CRELD2: variants seen among roughly 807,000 people sequenced by gnomAD.
The protein encoded by CRELD2 is CRELD disulfide isomerase 2, also known as protein disulfide isomerase CRELD2.
A neutral mutation model predicts 48.1 loss-of-function variants in CRELD2; 33 were observed. The ratio of observed to expected loss-of-function variants is 0.69; its 90% CI spans 0.52 to 0.92. The LOEUF is 0.92. Ranked by LOEUF, CRELD2 falls within the 40% of genes least tolerant of loss-of-function variation. CRELD2 has a pLI of 0.00. For synonymous variants in CRELD2, 220 were observed against 203.9 expected (o/e 1.08, Z -0.67); for missense variants, 477 against 482.4 (o/e 0.99, Z 0.10).
At chr22:49,923,090 G>A in intron 6 of CRELD2, 144 bp from the exon 7 acceptor site, 1 of 639,378 alleles carries the variant, frequency 1.6e-6, no homozygotes, top group Non-Finnish European at 2.7e-6. Context: ...TGGCATTTGA[G>A]ATGATTCCTC....
chr22:49,920,091 G>A, intron 3 of CRELD2, 65 bp from the exon 4 acceptor site: 2 of 1,076,636 alleles, frequency 1.9e-6, no homozygotes, highest in South Asian at 1.3e-5. Context: ...GTTACGTTCA[G>A]CTGCATGTTT....
chr22:49,926,935 C>T (rs1178698837), intron 9 of CRELD2, among the ~76,000 whole-genome samples: 1 of 106,672 alleles, frequency 9.4e-6, no homozygotes, highest in Admixed American at 1.0e-4. Context: ...CCTCCCCCAC[C>T]CTCGGTCCCC....
rs763151940 is a variant in CRELD2 at position 49,923,294 on chromosome 22, C to G, written c.749C>G (p.Ala250Gly). 1 of 1,611,696 alleles carries G rather than the reference C, an allele frequency of 6.2e-7. No homozygotes were observed. The highest frequency in any genetic ancestry group is 1.1e-5 in the South Asian group (1 of 90,938). ...AGCGCTGCGCAGTTCTGTAAGAACGCCAACGGCTCCTACACGTGCGAAGGT... is the reference window on the plus strand; with the variant it reads ...AGCGCTGCGCAGTTCTGTAAGAACGGCAACGGCTCCTACACGTGCGAAGGT... ...PCSAAQFCKN[A>G]NGSYTCEECD... Residue 250 changes from alanine to glycine, a missense_variant, in exon 7 of 10, where the codon GCC becomes GGC. Ala to Gly is a moderately conservative substitution (Grantham distance 60). Coordinates refer to ENST00000328268, the MANE Select transcript of CRELD2 (RefSeq NM_024324.5).
Position 49,924,452 on chromosome 22 carries a change from G to A in CRELD2, c.865G>A (p.Ala289Thr), listed in dbSNP as rs771741179. The A allele has an allele frequency of 6.2e-7, 1 of 1,602,148 alleles. No homozygotes were observed. The highest frequency in any genetic ancestry group is 1.1e-5 in the South Asian group (1 of 89,152). ...CTACGCGAGGGAGCACGGACAGTGT[G>A]CAGGTCAGTGACGGGGTCTGTGCTG... ...SGYAREHGQC[A>T]DVDECSLAEK... The change falls in exon 8 of 10, where the codon GCA becomes ACA. Residue 289 changes from alanine (A) to threonine (T), a missense_variant. Coordinates refer to ENST00000328268, the MANE Select transcript of CRELD2 (RefSeq NM_024324.5).
Position 49,922,692 on chromosome 22 carries a change from G to A in CRELD2, c.673G>A (p.Glu225Lys), listed in dbSNP as rs771487243. The A allele has an allele frequency of 8.4e-6, 13 of 1,542,806 alleles. No individual in the cohort carries two copies. Among genetic ancestry groups the A allele is most frequent in the Middle Eastern group, 1.7e-4 (1 of 5,988 alleles). The change falls in exon 6 of 10, where the codon GAG (glutamate) becomes AAG (lysine). Residue 225 changes from glutamate to lysine, a missense_variant. By Grantham distance (56) the Glu-to-Lys change is moderately conservative. Coordinates refer to ENST00000328268, the MANE Select transcript of CRELD2 (RefSeq NM_024324.5). Reference sequence around the variant, plus strand: ...GTGTGAAGTGGGCTGGGTGCTGGACGAGGGCGCCTGTGTGGGTGAGGAGCG... The same window carrying A: ...GTGTGAAGTGGGCTGGGTGCTGGACAAGGGCGCCTGTGTGGGTGAGGAGCG... The part of the protein sequence containing the change: ...GECEVGWVLD[E>K]GACVDVDECA...
intron 6 of CRELD2, among the ~76,000 whole-genome samples, chr22:49,922,915 G>A (rs2060715151): frequency 6.1e-5 from 5 of 81,468 alleles, no homozygotes; most frequent in South Asian, 5.4e-4. Context: ...CGTGAGGTGT[G>A]GGGGCGTGAG....
At chr22:49,922,285 G>C (rs12163497) in intron 5 of CRELD2, 31 of 1,261,650 alleles carry the variant, frequency 2.5e-5, no homozygotes, top group African/African-American at 6.4e-5. Context: ...CGATTCTTAC[G>C]CCCCTCAGCA....
At position 49,922,120 on chromosome 22, in the gene CRELD2, T is replaced by C. The variant is rs2060694326; in HGVS notation, c.592+359T>C. ...TCTGTCAAATCCCTGCAGGCCGTTA[T>C]GAGTGGCATCTTTCCAAAGGACGTT... On this transcript the variant is annotated intron_variant, in intron 5 of 9. Coordinates refer to ENST00000328268, the MANE Select transcript of CRELD2 (RefSeq NM_024324.5). The C allele has an allele frequency of 1.4e-5, 10 of 728,248 alleles. No individual in the cohort carries two copies. In the South Asian group the frequency reaches 1.8e-4, roughly 13 times the overall value. 45.1% of individuals were successfully genotyped at this position (728,248 alleles called of 1,614,324 possible).
At chr22:49,919,696 G>A (rs183268793) in intron 2 of CRELD2, 34 bp from the exon 3 acceptor site, 12 of 1,519,430 alleles carry the variant, frequency 7.9e-6, no homozygotes, top group African/African-American at 2.8e-5. Flanking sequence ...CCTTGGAGGC[G>A]CTGACGGTGG....
At chr22:49,920,843 G>T (rs2060678352) in intron 4 of CRELD2, among the ~76,000 whole-genome samples, 1 of 152,186 alleles carries the variant, frequency 6.6e-6, no homozygotes, top group Non-Finnish European at 1.5e-5. Context: ...TCAGCCTTCT[G>T]CCAGCCCCTG....
chr22:49,924,198 G>C, intron 7 of CRELD2, 162 bp from the exon 8 acceptor site: 1 of 570,594 alleles, frequency 1.8e-6, no homozygotes, highest in Non-Finnish European at 3.2e-6. Flanking sequence ...ACGCGAGTCT[G>C]TGCTTTTGCC....
intron 4 of CRELD2, chr22:49,921,379 G>A (rs946968738): frequency 1.7e-6 from 1 of 584,732 alleles, no homozygotes; most frequent in African/African-American, 1.9e-5. Flanking sequence ...AAGCCCAGGA[G>A]CCTGTGGCTT....
Position 49,927,383 on chromosome 22 carries a change from C to G in CRELD2, c.*76C>G. 2.4e-6 allele frequency: 3 copies of G among 1,232,192 alleles called. No homozygotes were observed. The highest frequency in any genetic ancestry group is 4.6e-5 in the East Asian group (2 of 43,040). The allele number at this position is 1,232,192 out of a possible 1,614,324, so 76.3% of individuals were successfully genotyped here. ...GTGGCCCTGAGGATGCCGTCTCCTGCAGTGGACAGCGGCGGGGAGAGGCTG... is the reference window on the plus strand; with the variant it reads ...GTGGCCCTGAGGATGCCGTCTCCTGGAGTGGACAGCGGCGGGGAGAGGCTG... On this transcript the variant is annotated 3_prime_UTR_variant, in exon 10 of 10. Transcript: ENST00000328268.
chr22:49,927,053 G>A (rs920816278), intron 9 of CRELD2, among the ~76,000 whole-genome samples: 1 of 150,010 alleles, frequency 6.7e-6, no homozygotes, highest in Non-Finnish European at 1.5e-5. Flanking sequence ...GCAGCGTGGG[G>A]GCTCTGAAAT....
chr22:49,918,747 G>T lies in CRELD2; in HGVS notation c.-23G>T, dbSNP rs943707029. On this transcript the variant is annotated 5_prime_UTR_variant, in exon 1 of 10. Coordinates refer to ENST00000328268, the MANE Select transcript of CRELD2 (RefSeq NM_024324.5). ...CCGCAGGACCTGGAGCTCCGGCTGC[G>T]TCTTCCCGCAGCGCTACCCGCCATG... 4 of 993,520 alleles carry T rather than the reference G, an allele frequency of 4.0e-6. No individual in the cohort carries two copies. The highest frequency in any genetic ancestry group is 3.4e-5 in the African/African-American group (2 of 58,986). The allele number at this position is 993,520 out of a possible 1,614,324, so 61.5% of individuals were successfully genotyped here. A position where few individuals can be genotyped will look rare whatever the true frequency, so the allele number is the denominator to read the frequency against.
At position 49,922,710 on chromosome 22, in the gene CRELD2, G is replaced by T; in HGVS notation, c.688+3G>T. On this transcript the variant is annotated splice_donor_region_variant and intron_variant, in intron 6 of 9. Transcript: ENST00000328268. ...GCTGGACGAGGGCGCCTGTGTGGGT[G>T]AGGAGCGGCCCGGGGGTGGAGGAGG... 2 of 1,537,642 alleles carry T rather than the reference G, an allele frequency of 1.3e-6. No homozygotes were observed. Among genetic ancestry groups the T allele is most frequent in the East Asian group, 2.4e-5 (1 of 40,984 alleles).
intron 4 of CRELD2, chr22:49,921,327 C>T (rs949951365): frequency 1.7e-5 from 9 of 518,302 alleles, no homozygotes; most frequent in African/African-American, 1.3e-4. Context: ...TGCAGGGTCC[C>T]TTGTTGACCT....
Position 49,921,684 on chromosome 22 carries a change from A to G in CRELD2, c.515A>G (p.Tyr172Cys). 1 of 1,612,906 alleles carries G rather than the reference A, an allele frequency of 6.2e-7. No homozygotes were observed. The highest frequency in any genetic ancestry group is 8.5e-7 in the Non-Finnish European group (1 of 1,179,976). Residue 172 changes from tyrosine (Y) to cysteine (C), a missense_variant, in exon 5 of 10, where the codon TAC becomes TGC. By Grantham distance (194) the Tyr-to-Cys change is radical. Coordinates refer to ENST00000328268, the MANE Select transcript of CRELD2 (RefSeq NM_024324.5). The stretch of plus-strand genomic sequence containing the variant: ...GGGTCCTGCCGGTGCCACATGGGGT[A>G]CCAGGGCCCGCTGTGCACTGACTGC... ...GDGSCRCHMG[Y>C]QGPLCTDCMD...
intron 9 of CRELD2, among the ~76,000 whole-genome samples, chr22:49,927,013 G>A (rs1031735622): frequency 6.9e-5 from 10 of 144,948 alleles, no homozygotes; most frequent in Admixed American, 1.4e-4. Flanking sequence ...ACCCCTTGCC[G>A]CTCCCAACTC....
Sources: allele counts gnomAD v4.1 joint callset (sites outside exome capture counted in the v4.1 genomes callset), GRCh38; gene constraint gnomAD v4.1.1; transcripts MANE v1.5; gene names NCBI Gene and HGNC (gene_info 2026-07-23, HGNC 2026-07-21).